SEMA6D: variants seen among roughly 807,000 people sequenced by gnomAD.
The protein encoded by SEMA6D is semaphorin-6D.
Under a neutral mutation model 106.6 loss-of-function variants are expected in SEMA6D, and 35 were observed. The ratio of observed to expected loss-of-function variants is 0.33; its 90% confidence interval spans 0.25 to 0.44. The LOEUF is 0.44. Among genes scored for constraint, SEMA6D ranks in the 20% least tolerant of loss-of-function variants. The pLI is 1.00. For missense variants in SEMA6D, 1,185 were observed against 1,345.9 expected (o/e 0.88, Z 1.87); for synonymous variants, 499 against 487.7 (o/e 1.02, Z -0.31).
rs898976761 is a variant in SEMA6D, at chr15:47,667,807, G to C, written c.-55+66911G>C. On this transcript the variant is annotated intron_variant, in intron 4 of 19. Transcript: ENST00000558014. ...GGATCAGATTTCGACATATGAATTT[G>C]GGGGGATGTAAACATTCAGTCTATA... is the stretch of plus-strand genomic sequence containing the variant. 9.2e-5 allele frequency among the ~76,000 whole-genome samples: 14 copies of C among 152,118 alleles called. 1 individual carries two copies. The highest frequency in any genetic ancestry group is 2.7e-4 in the African/African-American group (11 of 41,414).
intron 3 of SEMA6D, among the ~76,000 whole-genome samples, chr15:47,569,936 C>T (rs758923714): frequency 6.6e-6 from 1 of 151,674 alleles, no homozygotes; most frequent in Non-Finnish European, 1.5e-5. Flanking sequence ...TGGTGGGTGC[C>T]GGTAATCCCA....
intron 4 of SEMA6D, among the ~76,000 whole-genome samples, chr15:47,662,605 G>A (rs1348330431): frequency 1.3e-5 from 2 of 151,996 alleles, no homozygotes; most frequent in African/African-American, 4.8e-5. Context: ...TGCCCCATTA[G>A]GCATTCTCCA....
chr15:47,207,993 GCACA>G (rs57079521), intron 1 of SEMA6D, among the ~76,000 whole-genome samples: 3,628 of 89,244 alleles, frequency 0.041, 102 homozygotes, highest in African/African-American at 0.049. Context: ...TGGCGCGCGC[GCACA>G]CACACACACA....
intron 1 of SEMA6D, among the ~76,000 whole-genome samples, chr15:47,747,621 G>C (rs2081215415): frequency 6.6e-6 from 1 of 152,028 alleles, no homozygotes; most frequent in South Asian, 2.1e-4. Context: ...CATTAATAAG[G>C]ATCACCCAGA....
At chr15:47,527,202 C>T (rs141743828) in intron 3 of SEMA6D, among the ~76,000 whole-genome samples, 62 of 152,142 alleles carry the variant, frequency 4.1e-4, no homozygotes, top group African/African-American at 1.3e-3. Context: ...AAATGATCCA[C>T]TCAAAAGAGA....
At chr15:47,279,938 A>ATTGAGGATTT (rs1332164896) in intron 1 of SEMA6D, among the ~76,000 whole-genome samples, 2 of 150,856 alleles carry the variant, frequency 1.3e-5, no homozygotes, top group African/African-American at 4.9e-5. Context: ...CCAGTATTTT[A>ATTGAGGATTT]TTGAGGATTT....
At chr15:47,359,323 C>T (rs951269706) in intron 1 of SEMA6D, 2 of 152,118 alleles carry the variant, frequency 1.3e-5, no homozygotes, top group African/African-American at 4.8e-5. Flanking sequence ...TTAATTTTTA[C>T]TCTTTCTGTG....
chr15:47,246,465 G>A (rs189227292), intron 1 of SEMA6D, among the ~76,000 whole-genome samples: 1 of 152,260 alleles, frequency 6.6e-6, no homozygotes, highest in Non-Finnish European at 1.5e-5. Context: ...GTTCAACATA[G>A]TCATAGCCAA....
intron 2 of SEMA6D, among the ~76,000 whole-genome samples, chr15:47,459,409 C>A (rs539264996): frequency 6.6e-6 from 1 of 152,022 alleles, no homozygotes; most frequent in African/African-American, 2.4e-5. Flanking sequence ...CCCACCAATA[C>A]ATTGATTACA....
At chr15:47,400,529 A>G (rs953392308) in intron 1 of SEMA6D, among the ~76,000 whole-genome samples, 2 of 150,640 alleles carry the variant, frequency 1.3e-5, no homozygotes, top group Non-Finnish European at 3.0e-5. Flanking sequence ...TTTATTTAAC[A>G]TTCCTTGCAA....
intron 2 of SEMA6D, among the ~76,000 whole-genome samples, chr15:47,424,260 G>A (rs183411230): frequency 4.0e-5 from 6 of 151,398 alleles, no homozygotes; most frequent in East Asian, 1.9e-4. Context: ...GCTGGTAATC[G>A]AAAATAGATG....
At chr15:47,343,469 A>G (rs577973149) in intron 1 of SEMA6D, among the ~76,000 whole-genome samples, 72 of 146,420 alleles carry the variant, frequency 4.9e-4, no homozygotes, top group Middle Eastern at 3.5e-3. Flanking sequence ...ATGTGTTCTC[A>G]TTGTTCAATT....
At chr15:47,536,782 T>C (rs1046163609) in intron 3 of SEMA6D, among the ~76,000 whole-genome samples, 3 of 152,208 alleles carry the variant, frequency 2.0e-5, no homozygotes, top group Non-Finnish European at 2.9e-5. Flanking sequence ...AAGATGGTAT[T>C]ATTGTACAAG....
intron 1 of SEMA6D, among the ~76,000 whole-genome samples, chr15:47,392,964 ATG>A (rs1458098965): frequency 6.6e-6 from 1 of 152,232 alleles, no homozygotes. Flanking sequence ...GGGCACCTGC[ATG>A]TGGCATATTG....
At chr15:47,441,398 G>A (rs2041877668) in intron 2 of SEMA6D, among the ~76,000 whole-genome samples, 1 of 152,078 alleles carries the variant, frequency 6.6e-6, no homozygotes, top group Admixed American at 6.6e-5. Flanking sequence ...TGGGAGGGTA[G>A]GAACAAGGTG....
At chr15:47,521,173 C>T (rs972018150) in intron 3 of SEMA6D, among the ~76,000 whole-genome samples, 8 of 152,166 alleles carry the variant, frequency 5.3e-5, no homozygotes, top group Non-Finnish European at 1.2e-4. Flanking sequence ...CATTCATTCA[C>T]ATGACCTGGC....
At chr15:47,291,108 A>G (rs2035577036) in intron 1 of SEMA6D, among the ~76,000 whole-genome samples, 1 of 152,172 alleles carries the variant, frequency 6.6e-6, no homozygotes, top group Non-Finnish European at 1.5e-5. Flanking sequence ...CTCATATCCA[A>G]CTTGGATACT....
chr15:47,679,374 C>T (rs2078305148), intron 4 of SEMA6D, among the ~76,000 whole-genome samples: 1 of 152,142 alleles, frequency 6.6e-6, no homozygotes, highest in Admixed American at 6.5e-5. Flanking sequence ...AATCCAACAA[C>T]ATGATATAGT....
intron 1 of SEMA6D, among the ~76,000 whole-genome samples, chr15:47,239,046 G>A (rs1444597668): frequency 1.3e-5 from 2 of 152,178 alleles, no homozygotes; most frequent in East Asian, 3.9e-4. Flanking sequence ...CAAGGAGCTA[G>A]TGAAGGTTCA....
Sources: gnomAD v4.1 joint callset for allele counts (sites outside exome capture counted in the v4.1 genomes callset) on GRCh38, gnomAD v4.1.1 for gene constraint, MANE v1.5 for transcripts, NCBI Gene and HGNC (gene_info 2026-07-23, HGNC 2026-07-21) for gene names.